Variants in FNBP1L observed in about 807,000 individuals in gnomAD.
FNBP1L encodes the protein formin-binding protein 1-like.
In FNBP1L, 36 loss-of-function variants were observed where a neutral mutation model predicts 91.2. The ratio of observed to expected loss-of-function variants is 0.39; its 90% CI spans 0.30 to 0.52. The LOEUF is 0.52. Ranked by LOEUF, FNBP1L falls within the 20% of genes least tolerant of loss-of-function variation. FNBP1L has a pLI of 0.66. For missense variants in FNBP1L, 571 were observed against 732.1 expected, an observed-to-expected ratio of 0.78 and a Z score of 2.54; for synonymous variants, 242 against 237.0, an observed-to-expected ratio of 1.02 and a Z score of -0.19.
In FNBP1L at chr1:93,448,142, G is replaced by C. The variant is rs1557768181; in HGVS notation, c.-140G>C. On this transcript the variant is annotated 5_prime_UTR_variant, in exon 1 of 17. Coordinates refer to ENST00000271234, the MANE Select transcript of FNBP1L (RefSeq NM_001164473.3). ...CAGTCGCGTCTTTCTCACTCACTGGGGAGCCCGGCGGTGGCGGCACCTTTC... is the reference window on the plus strand; with the variant it reads ...CAGTCGCGTCTTTCTCACTCACTGGCGAGCCCGGCGGTGGCGGCACCTTTC... The C allele has an allele frequency of 9.3e-7, 1 of 1,080,130 alleles. No homozygotes were observed. The highest frequency in any genetic ancestry group is 1.3e-6 in the Non-Finnish European group (1 of 762,570). The allele number at this position is 1,080,130 out of a possible 1,614,324, so 66.9% of individuals were successfully genotyped here. A position where few individuals can be genotyped will look rare whatever the true frequency, so the allele number is the denominator to read the frequency against.
At chr1:93,494,520 G>A (rs2101720502) in intron 1 of FNBP1L, among the ~76,000 whole-genome samples, 1 of 152,278 alleles carries the variant, frequency 6.6e-6, no homozygotes, top group South Asian at 2.1e-4. Flanking sequence ...CAGATCACAT[G>A]GTTGGTTCCT....
At chr1:93,475,701 A>C (rs1669470863) in intron 1 of FNBP1L, among the ~76,000 whole-genome samples, 1 of 152,234 alleles carries the variant, frequency 6.6e-6, no homozygotes. Context: ...AAAATCAATT[A>C]ACATAACTTG....
At chr1:93,516,413 A>G (rs1169602240) in intron 2 of FNBP1L, among the ~76,000 whole-genome samples, 1 of 152,176 alleles carries the variant, frequency 6.6e-6, no homozygotes, top group Non-Finnish European at 1.5e-5. Context: ...AGTTCCACCC[A>G]CAGGAGTTCT....
chr1:93,483,236 C>T (rs896519414), intron 1 of FNBP1L, among the ~76,000 whole-genome samples: 1 of 150,778 alleles, frequency 6.6e-6, no homozygotes, highest in South Asian at 2.1e-4. Flanking sequence ...TAGCAACCAC[C>T]CTACCGGGTC....
At chr1:93,470,846 C>G (rs567683467) in intron 1 of FNBP1L, among the ~76,000 whole-genome samples, 1 of 144,932 alleles carries the variant, frequency 6.9e-6, no homozygotes. Context: ...GCACTGCAGC[C>G]TGGGTGACAG....
At chr1:93,534,996 T>A (rs1298545389) in intron 9 of FNBP1L, 88 bp downstream of exon 9, 2 of 981,060 alleles carry the variant, frequency 2.0e-6, no homozygotes, top group Non-Finnish European at 3.0e-6. Context: ...GATTTACCAT[T>A]AATGGAGAAT....
chr1:93,542,876 C>T (rs1340730646), intron 11 of FNBP1L, among the ~76,000 whole-genome samples: 16 of 150,280 alleles, frequency 1.1e-4, no homozygotes, highest in African/African-American at 2.5e-4. Flanking sequence ...CTCTGCCTTC[C>T]GGGTTCAAGT....
intron 2 of FNBP1L, among the ~76,000 whole-genome samples, chr1:93,500,421 G>T (rs1670407402): frequency 6.6e-6 from 1 of 152,134 alleles, no homozygotes; most frequent in African/African-American, 2.4e-5. Context: ...TCCTGGAGAA[G>T]AATGATGGTC....
Position 93,538,194 on chromosome 1 carries a change from G to A in FNBP1L, c.1149+1704G>A, listed in dbSNP as rs563788275. On this transcript the variant is annotated intron_variant, in intron 10 of 16. Transcript: ENST00000271234. The stretch of plus-strand genomic sequence containing the variant: ...GATGCGAGGTAAGTGTAATTCTAAG[G>A]AAAAAAAAAACTCAGGCAATTAGAG... Among the ~76,000 whole-genome samples the A allele has an allele frequency of 2.1e-3, 301 of 143,472 alleles. 2 individuals are homozygous for A. Among genetic ancestry groups the A allele is most frequent in the African/African-American group, 7.1e-3 (279 of 39,218 alleles). The allele number at this position is 143,472 out of a possible 152,430, so 94.1% of individuals were successfully genotyped here. A position where few individuals can be genotyped will look rare whatever the true frequency, so the allele number is the denominator to read the frequency against.
intron 10 of FNBP1L, among the ~76,000 whole-genome samples, chr1:93,538,493 A>G (rs1390678708): frequency 3.3e-5 from 5 of 152,060 alleles, no homozygotes; most frequent in Non-Finnish European, 5.9e-5. Context: ...TGACAAACCA[A>G]CTAGGGGTTT....
intron 1 of FNBP1L, among the ~76,000 whole-genome samples, chr1:93,491,851 A>T (rs1250125529): frequency 5.3e-5 from 8 of 152,228 alleles, no homozygotes. Context: ...ATCAACATTA[A>T]CAATTAAACA....
rs1030379412 is a variant in FNBP1L at position 93,553,255 on chromosome 1, A to G, written c.*839A>G. 6 of 152,688 alleles carry G rather than the reference A, an allele frequency of 3.9e-5. No homozygotes were observed. The highest frequency in any genetic ancestry group is 1.5e-5 in the Non-Finnish European group (1 of 68,054). The allele number at this position is 152,688 out of a possible 1,614,324, so 9.5% of individuals were successfully genotyped here. A position where few individuals can be genotyped will look rare whatever the true frequency, so the allele number is the denominator to read the frequency against. ...ATTCACCACCTCAAGACAAAGGACT[A>G]TTGTCAAAAGTCAGCTGCTTCCATT... On this transcript the variant is annotated 3_prime_UTR_variant, in exon 17 of 17. Coordinates refer to ENST00000271234, the MANE Select transcript of FNBP1L (RefSeq NM_001164473.3).
At chr1:93,533,180 T>A in intron 8 of FNBP1L, 112 bp downstream of exon 8, 1 of 829,620 alleles carries the variant, frequency 1.2e-6, no homozygotes, top group Non-Finnish European at 1.8e-6. Context: ...GGTTCTAAAT[T>A]ATATTCTGTA....
intron 1 of FNBP1L, among the ~76,000 whole-genome samples, chr1:93,472,178 A>G (rs1012919551): frequency 2.0e-5 from 3 of 152,192 alleles, no homozygotes; most frequent in Admixed American, 6.5e-5. Context: ...TTTGAGAACC[A>G]TTGGTTTATG....
chr1:93,532,444 C>G (rs1460141686), intron 7 of FNBP1L, among the ~76,000 whole-genome samples: 1 of 135,860 alleles, frequency 7.4e-6, no homozygotes, highest in African/African-American at 2.6e-5. Flanking sequence ...TCCATCCAGC[C>G]TGGCGACAGA....
chr1:93,522,061 T>TA (rs1354943016), intron 2 of FNBP1L, 21 bp from the exon 3 acceptor site: 4 of 1,458,936 alleles, frequency 2.7e-6, no homozygotes, highest in African/African-American at 1.5e-5. Context: ...TAATAAACTT[T>TA]AAAAAATCTT....
chr1:93,515,650 T>C (rs1003381649), intron 2 of FNBP1L, among the ~76,000 whole-genome samples: 2 of 150,748 alleles, frequency 1.3e-5, no homozygotes, highest in East Asian at 2.0e-4. Flanking sequence ...TCATTCTCAG[T>C]AAACTATCGC....
chr1:93,530,382 C>T (rs1671633678), intron 6 of FNBP1L, among the ~76,000 whole-genome samples: 1 of 152,006 alleles, frequency 6.6e-6, no homozygotes, highest in African/African-American at 2.4e-5. Context: ...CTAAAGCTAC[C>T]TGTTTTTCTC....
At chr1:93,517,767 G>A (rs1436548143) in intron 2 of FNBP1L, among the ~76,000 whole-genome samples, 2 of 151,520 alleles carry the variant, frequency 1.3e-5, no homozygotes, top group Non-Finnish European at 2.9e-5. Flanking sequence ...GTTTGTAGAT[G>A]GTCTTTAGCT....
Sources: gnomAD v4.1 joint callset for allele counts (sites outside exome capture counted in the v4.1 genomes callset) on GRCh38, gnomAD v4.1.1 for gene constraint, MANE v1.5 for transcripts, NCBI Gene and HGNC (gene_info 2026-07-23, HGNC 2026-07-21) for gene names.